Variants in GALNT14 observed in about 807,000 individuals in gnomAD.
The protein encoded by GALNT14 is polypeptide N-acetylgalactosaminyltransferase 14, also known as UDP-GalNAc:polypeptide N-acetylgalactosaminyltransferase 14.
A neutral mutation model predicts 77.5 loss-of-function variants in GALNT14; 60 were observed. That is an observed-to-expected ratio of 0.77 (90% CI 0.63 to 0.96). The LOEUF (loss-of-function observed/expected upper bound fraction) is 0.96, where lower values mean the gene tolerates loss of function less well. Ranked by LOEUF, GALNT14 falls within the 40% of genes least tolerant of loss-of-function variation. GALNT14 has a pLI of 0.00. For missense variants in GALNT14, 710 were observed against 731.0 expected (o/e 0.97, Z 0.33); for synonymous variants, 280 against 281.7 (o/e 0.99, Z 0.06).
At chr2:31,093,656 T>C (rs1676868036) in intron 1 of GALNT14, among the ~76,000 whole-genome samples, 1 of 152,238 alleles carries the variant, frequency 6.6e-6, no homozygotes, top group South Asian at 2.1e-4. Context: ...CACTCTGTTG[T>C]GAAAAATAAT....
chr2:30,978,127 C>A (rs565104268), intron 2 of GALNT14, among the ~76,000 whole-genome samples: 1 of 152,238 alleles, frequency 6.6e-6, no homozygotes, highest in East Asian at 1.9e-4. Context: ...CTTGCAGGAG[C>A]CTTCTGGCCC....
chr2:31,098,989 G>T (rs561723447), intron 1 of GALNT14, among the ~76,000 whole-genome samples: 1 of 151,990 alleles, frequency 6.6e-6, no homozygotes, highest in Non-Finnish European at 1.5e-5. Flanking sequence ...GCTGTGTCAG[G>T]GGTGGCAGAG....
intron 1 of GALNT14, among the ~76,000 whole-genome samples, chr2:31,073,418 G>C (rs543841414): frequency 6.6e-6 from 1 of 151,944 alleles, no homozygotes; most frequent in South Asian, 2.1e-4. Context: ...CATTCTAGTG[G>C]AAGAGATGGA....
At chr2:31,125,850 T>C (rs1678676903) in intron 1 of GALNT14, among the ~76,000 whole-genome samples, 1 of 152,230 alleles carries the variant, frequency 6.6e-6, no homozygotes, top group African/African-American at 2.4e-5. Context: ...GATTCCTCTC[T>C]GAGGGGTGAT....
At chr2:30,945,900 A>T (rs1383844317) in intron 6 of GALNT14, 30 bp from the exon 7 acceptor site, 2 of 1,597,684 alleles carry the variant, frequency 1.3e-6, no homozygotes, top group African/African-American at 2.7e-5. Context: ...CACTTAGCTT[A>T]TGGAGAGGAG....
At chr2:30,961,460 A>C (rs1009575128) in intron 3 of GALNT14, among the ~76,000 whole-genome samples, 3 of 152,212 alleles carry the variant, frequency 2.0e-5, no homozygotes, top group South Asian at 2.1e-4. Context: ...CTGAACCTTC[A>C]GCACTATAAT....
intron 1 of GALNT14, among the ~76,000 whole-genome samples, chr2:31,063,390 G>A (rs749893954): frequency 1.5e-4 from 23 of 152,058 alleles, no homozygotes; most frequent in Non-Finnish European, 3.1e-4. Context: ...TGTTATTTAC[G>A]TGGCCTCTAT....
intron 13 of GALNT14, among the ~76,000 whole-genome samples, chr2:30,919,919 G>C (rs1408598281): frequency 2.6e-5 from 4 of 152,128 alleles, no homozygotes; most frequent in Non-Finnish European, 5.9e-5. Flanking sequence ...TCTCTGGCAT[G>C]GTCCTCCACC....
intron 1 of GALNT14, among the ~76,000 whole-genome samples, chr2:31,115,075 C>G (rs546057726): frequency 1.8e-4 from 27 of 151,922 alleles, no homozygotes; most frequent in African/African-American, 6.0e-4. Flanking sequence ...AGCAAGACCC[C>G]ATCTCTACTA....
chr2:30,984,008 T>G (rs1365868669), intron 2 of GALNT14, among the ~76,000 whole-genome samples: 2 of 152,146 alleles, frequency 1.3e-5, no homozygotes, highest in Non-Finnish European at 1.5e-5. Context: ...CTGACCTAGG[T>G]GTGGAGTTAA....
At chr2:30,990,282 C>G (rs775325963) in intron 2 of GALNT14, among the ~76,000 whole-genome samples, 1 of 152,226 alleles carries the variant, frequency 6.6e-6, no homozygotes, top group Non-Finnish European at 1.5e-5. Context: ...TCACCAGCAG[C>G]ATTAGCTGTT....
At chr2:30,916,665 G>C (rs200762970) in intron 13 of GALNT14, among the ~76,000 whole-genome samples, 1 of 136,064 alleles carries the variant, frequency 7.3e-6, no homozygotes, top group South Asian at 2.4e-4. Flanking sequence ...ACCTTCTCTA[G>C]CAGATGCCAG....
At chr2:31,087,057 C>G (rs1676464196) in intron 1 of GALNT14, among the ~76,000 whole-genome samples, 1 of 152,162 alleles carries the variant, frequency 6.6e-6, no homozygotes, top group Admixed American at 6.5e-5. Flanking sequence ...TGGTAGAAGG[C>G]TTCTCTGGGA....
chr2:30,925,441 G>A (rs1214756106), intron 11 of GALNT14, among the ~76,000 whole-genome samples: 1 of 152,196 alleles, frequency 6.6e-6, no homozygotes, highest in Non-Finnish European at 1.5e-5. Context: ...ACAACTCAGA[G>A]GGGGACCCTT....
intron 2 of GALNT14, among the ~76,000 whole-genome samples, chr2:30,986,177 G>T (rs948972894): frequency 6.6e-6 from 1 of 152,142 alleles, no homozygotes; most frequent in Admixed American, 6.5e-5. Context: ...ATTTAGCACC[G>T]CACTGGACAA....
intron 1 of GALNT14, among the ~76,000 whole-genome samples, chr2:31,055,646 T>C (rs1674163366): frequency 6.6e-6 from 1 of 152,152 alleles, no homozygotes; most frequent in Non-Finnish European, 1.5e-5. Flanking sequence ...GCAGGCTCAC[T>C]GAAAGGAGAG....
intron 13 of GALNT14, among the ~76,000 whole-genome samples, chr2:30,919,104 C>G (rs1368726172): frequency 6.6e-6 from 1 of 152,158 alleles, no homozygotes; most frequent in African/African-American, 2.4e-5. Flanking sequence ...TTTCCCCTTT[C>G]TTTAAATTGG....
the GALNT14 span, among the ~76,000 whole-genome samples, chr2:30,887,332 T>TA: frequency 6.6e-6 from 1 of 152,264 alleles, no homozygotes; most frequent in East Asian, 1.9e-4. Flanking sequence ...TTTACACTCC[T>TA]ACCAGCAATG....
intron 1 of GALNT14, among the ~76,000 whole-genome samples, chr2:31,046,537 T>A (rs998636616): frequency 6.6e-6 from 1 of 152,160 alleles, no homozygotes; most frequent in Admixed American, 6.5e-5. Flanking sequence ...CTGGAACCCA[T>A]ATTCTTAAAG....
Sources: allele counts gnomAD v4.1 joint callset (sites outside exome capture counted in the v4.1 genomes callset), GRCh38; gene constraint gnomAD v4.1.1; transcripts MANE v1.5; gene names NCBI Gene and HGNC (gene_info 2026-07-23, HGNC 2026-07-21).